Variants in NBAS observed in about 807,000 individuals in gnomAD.
NBAS encodes the protein NAG/BC035112 fusion.
A neutral mutation model predicts 302.5 loss-of-function variants in NBAS; 219 were observed. The observed-to-expected ratio is 0.72, with a 90% CI of 0.65 to 0.81. NBAS has a LOEUF of 0.81. Ranked by LOEUF, NBAS falls within the 30% of genes least tolerant of loss-of-function variation. The probability of loss-of-function intolerance (pLI) is 0.00; values close to 1 mark genes in which losing one functional copy is unlikely to be tolerated. For synonymous variants in NBAS, 1,118 were observed against 1,021.6 expected (o/e 1.09, Z -1.80); for missense variants, 2,932 against 2,841.6 (o/e 1.03, Z -0.72).
chr2:14,848,766 AC>A, the NBAS span, among the ~76,000 whole-genome samples: 1,206 of 151,756 alleles, frequency 7.9e-3, 13 homozygotes, highest in Non-Finnish European at 9.5e-3. Flanking sequence ...TGGGTCCCTG[AC>A]CCCTGACCCC....
At chr2:14,824,043 C>T in the NBAS span, among the ~76,000 whole-genome samples, 14 of 152,202 alleles carry the variant, frequency 9.2e-5, no homozygotes, top group African/African-American at 3.4e-4. Flanking sequence ...GGCCACTGCC[C>T]AGAGCCAGAG....
chr2:15,435,457 T>A (rs958381194), intron 21 of NBAS, among the ~76,000 whole-genome samples: 2 of 152,220 alleles, frequency 1.3e-5, no homozygotes, highest in Non-Finnish European at 2.9e-5. Flanking sequence ...TATAAAGTTG[T>A]AAGCAATTAC....
At chr2:15,044,007 A>G in the NBAS span, among the ~76,000 whole-genome samples, 1 of 152,236 alleles carries the variant, frequency 6.6e-6, no homozygotes, top group African/African-American at 2.4e-5. Flanking sequence ...CGAATAATGA[A>G]TGCTGATTGA....
chr2:15,481,876 C>T (rs960651846), intron 12 of NBAS, among the ~76,000 whole-genome samples: 1 of 152,148 alleles, frequency 6.6e-6, no homozygotes, highest in African/African-American at 2.4e-5. Flanking sequence ...ACTCCTCCCC[C>T]AAAGGAAGCT....
chr2:15,062,072 G>A, the NBAS span, among the ~76,000 whole-genome samples: 2 of 152,172 alleles, frequency 1.3e-5, no homozygotes, highest in East Asian at 1.9e-4. Flanking sequence ...CTGGAATTCA[G>A]TTGGGCCATC....
intron 46 of NBAS, among the ~76,000 whole-genome samples, chr2:15,234,126 C>T (rs1199263709): frequency 6.6e-6 from 1 of 152,166 alleles, no homozygotes; most frequent in East Asian, 1.9e-4. Flanking sequence ...AGTGTATGAT[C>T]AGCCTTGCCT....
chr2:15,323,128 A>G (rs993121387), intron 38 of NBAS, among the ~76,000 whole-genome samples: 106 of 152,352 alleles, frequency 7.0e-4, no homozygotes, highest in African/African-American at 2.5e-3. Flanking sequence ...CAGGGCAGAC[A>G]AAAAGTCACT....
chr2:15,229,186 AC>A (rs1303902111), intron 47 of NBAS, among the ~76,000 whole-genome samples: 1 of 151,700 alleles, frequency 6.6e-6, no homozygotes, highest in Admixed American at 6.6e-5. Context: ...TACTAAAAAT[AC>A]AAAAATTATC....
chr2:15,256,418 T>A (rs955187819), intron 44 of NBAS, among the ~76,000 whole-genome samples: 5 of 152,188 alleles, frequency 3.3e-5, no homozygotes, highest in African/African-American at 1.2e-4. Context: ...CTTTACTGAA[T>A]TCATTTACAA....
At chr2:15,002,675 G>T in the NBAS span, among the ~76,000 whole-genome samples, 1 of 152,356 alleles carries the variant, frequency 6.6e-6, no homozygotes, top group East Asian at 1.9e-4. Flanking sequence ...CCCGAGCCCT[G>T]CCCGGCGGGA....
chr2:14,961,020 C>A, the NBAS span, among the ~76,000 whole-genome samples: 1 of 152,116 alleles, frequency 6.6e-6, no homozygotes, highest in African/African-American at 2.4e-5. Context: ...GCCATCAATA[C>A]CCAAAGCAAG....
Position 15,488,865 on chromosome 2 carries a change from A to T in NBAS, c.1083+29T>A, listed in dbSNP as rs878950024. 5.6e-6 allele frequency: 9 copies of T among 1,612,786 alleles called. No individual in the cohort carries two copies. In the South Asian group the frequency reaches 9.9e-5, roughly 18 times the overall value. On this transcript the variant is annotated intron_variant, in intron 12 of 51. Coordinates refer to ENST00000281513, the MANE Select transcript of NBAS (RefSeq NM_015909.4). ...TATTGTCAATACTCACCCTTAAGAG[A>T]GTATCATTCTAATAACCAAGAGACG... is the stretch of plus-strand genomic sequence containing the variant.
chr2:15,010,008 T>G, the NBAS span, among the ~76,000 whole-genome samples: 2 of 152,102 alleles, frequency 1.3e-5, no homozygotes, highest in Non-Finnish European at 2.9e-5. Flanking sequence ...AGAGGGGAAA[T>G]TCTTCAATCT....
At chr2:15,123,264 G>A in the NBAS span, among the ~76,000 whole-genome samples, 4 of 152,146 alleles carry the variant, frequency 2.6e-5, no homozygotes, top group East Asian at 5.8e-4. Context: ...TCCTGAGGTG[G>A]CTATTGAGAC....
At chr2:14,807,851 A>G in the NBAS span, among the ~76,000 whole-genome samples, 1 of 152,194 alleles carries the variant, frequency 6.6e-6, no homozygotes, top group Admixed American at 6.5e-5. Flanking sequence ...GATAATTCAT[A>G]CAAGCATTGG....
intron 40 of NBAS, among the ~76,000 whole-genome samples, chr2:15,304,621 C>T (rs192382652): frequency 3.9e-5 from 6 of 152,278 alleles, no homozygotes; most frequent in African/African-American, 1.4e-4. Context: ...GATAGTGATA[C>T]GGACAATGAA....
At chr2:15,379,526 A>C (rs1166782613) in intron 30 of NBAS, 76 bp downstream of exon 30, 16 of 1,404,982 alleles carry the variant, frequency 1.1e-5, no homozygotes, top group Non-Finnish European at 1.5e-5. Flanking sequence ...TATTTGGTAA[A>C]GAAAAGAATA....
At chr2:15,164,645 A>G (rs925810134), downstream of NBAS, among the ~76,000 whole-genome samples, 5 of 152,158 alleles carry the variant, frequency 3.3e-5, no homozygotes, top group African/African-American at 1.2e-4. Flanking sequence ...TTTTCAGAGA[A>G]AGGTTTGGGA....
chr2:15,384,574 T>C (rs1675198199), intron 28 of NBAS, among the ~76,000 whole-genome samples: 1 of 149,272 alleles, frequency 6.7e-6, no homozygotes, highest in African/African-American at 2.5e-5. Context: ...AATGAATGAA[T>C]CTGAAATTAC....
Sources: gnomAD v4.1 joint callset for allele counts (sites outside exome capture counted in the v4.1 genomes callset) on GRCh38, gnomAD v4.1.1 for gene constraint, MANE v1.5 for transcripts, NCBI Gene and HGNC (gene_info 2026-07-23, HGNC 2026-07-21) for gene names.